The following DNAH8 variants were observed in gnomAD, a reference collection of about 807,000 sequenced individuals.
The protein encoded by DNAH8 is axonemal beta dynein heavy chain 8.
A neutral mutation model predicts 562.1 loss-of-function variants in DNAH8; 382 were observed. The observed-to-expected ratio is 0.68, with a 90% CI of 0.63 to 0.74. DNAH8 has a LOEUF of 0.74. DNAH8 is among the 30% of genes least tolerant of loss of function. The probability of loss-of-function intolerance (pLI) is 0.00; values close to 1 mark genes in which losing one functional copy is unlikely to be tolerated. For synonymous variants in DNAH8, 1,881 were observed against 1,919.4 expected (o/e 0.98, Z 0.52); for missense variants, 5,203 against 5,620.4 (o/e 0.93, Z 2.37).
chr6:38,737,432 GAT>G (rs1432658639), intron 6 of DNAH8, among the ~76,000 whole-genome samples, 176 bp downstream of exon 6: 2 of 151,962 alleles, frequency 1.3e-5, no homozygotes, highest in Non-Finnish European at 2.9e-5. Context: ...GGTGGAGTAA[GAT>G]ATATTTTCTT....
At chr6:38,889,799 T>C (rs1475081227) in intron 57 of DNAH8, among the ~76,000 whole-genome samples, 1 of 152,140 alleles carries the variant, frequency 6.6e-6, no homozygotes, top group Non-Finnish European at 1.5e-5. Context: ...ATTTCATGTT[T>C]CCCCAGGGCA....
At position 38,988,606 on chromosome 6, in the gene DNAH8, A is replaced by G. The variant is rs77061768; in HGVS notation, c.13054-1406A>G. On this transcript the variant is annotated intron_variant, in intron 87 of 92. Coordinates refer to ENST00000327475, the MANE Select transcript of DNAH8 (RefSeq NM_001206927.2). ...ATCACCAGTCCTCACCCTGACATCA[A>G]TAGTCATCCATGATATGACCTCACC... Among the ~76,000 whole-genome samples the G allele has an allele frequency of 2.6e-4, 39 of 152,294 alleles. 2 individuals are homozygous for G. The East Asian group carries it at 6.9e-3, about 27-fold the overall frequency.
chr6:38,993,712 A>G (rs1302950972), intron 88 of DNAH8, among the ~76,000 whole-genome samples: 2 of 152,112 alleles, frequency 1.3e-5, no homozygotes, highest in Non-Finnish European at 2.9e-5. Flanking sequence ...TCTCTTAACA[A>G]TGTATCCTGT....
chr6:38,756,752 T>C (rs958739808), intron 10 of DNAH8, among the ~76,000 whole-genome samples: 1 of 148,884 alleles, frequency 6.7e-6, no homozygotes, highest in African/African-American at 2.5e-5. Context: ...TTCCCACCTC[T>C]AAGTGAGAAC....
intron 82 of DNAH8, among the ~76,000 whole-genome samples, chr6:38,959,767 C>A (rs1429754972): frequency 1.3e-5 from 2 of 151,738 alleles, no homozygotes; most frequent in African/African-American, 4.8e-5. Flanking sequence ...GAAAAAAATT[C>A]TAAAATGTAT....
Position 38,926,073 on chromosome 6 carries a change from C to CA in DNAH8, c.10982dup (p.Leu3663IlefsTer5). 1 of 1,613,454 alleles carries CA rather than the reference C, an allele frequency of 6.2e-7. No individual in the cohort carries two copies. The highest frequency in any genetic ancestry group is 1.3e-5 in the African/African-American group (1 of 74,956). On this transcript the variant is annotated frameshift_variant, in exon 74 of 93. Transcript: ENST00000327475. LOFTEE classifies it high-confidence loss of function. ...TGTTCAGATTGGTGAGTGGGGGCTACAGGGATTACCAGGAGATGATCTCTC... is the reference window on the plus strand; with the variant it reads ...TGTTCAGATTGGTGAGTGGGGGCTACAAGGGATTACCAGGAGATGATCTCTC...
chr6:39,015,551 C>T (rs966572372), intron 91 of DNAH8, among the ~76,000 whole-genome samples: 4 of 152,178 alleles, frequency 2.6e-5, no homozygotes, highest in African/African-American at 9.7e-5. Flanking sequence ...CCTTCACTCT[C>T]TCTCTCCTGC....
At chr6:38,804,281 G>A (rs183652544) in intron 22 of DNAH8, among the ~76,000 whole-genome samples, 5 of 152,244 alleles carry the variant, frequency 3.3e-5, no homozygotes, top group Admixed American at 2.6e-4. Flanking sequence ...TAAGAACACG[G>A]GACTTTTAGC....
chr6:38,729,909 C>A lies in DNAH8; in HGVS notation c.533C>A (p.Ala178Glu), dbSNP rs1202219875. Reference sequence around the variant, plus strand: ...TTCTCTTTTATTTAACAGCTGGAAGCATTTACTAATTTTTTTGCGAAAGAT... The same window carrying A: ...TTCTCTTTTATTTAACAGCTGGAAGAATTTACTAATTTTTTTGCGAAAGAT... Reference protein sequence around the residue: ...ELILDCPSLEAFTNFFAKDGC... With the variant: ...ELILDCPSLEEFTNFFAKDGC... Residue 178 changes from alanine (A) to glutamate (E), a missense_variant, in exon 4 of 93, where the codon GCA becomes GAA. Ala to Glu is a moderately radical substitution (Grantham distance 107, BLOSUM62 -1). Transcript: ENST00000327475. The A allele has an allele frequency of 6.4e-7, 1 of 1,552,096 alleles. No individual in the cohort carries two copies. The highest frequency in any genetic ancestry group is 1.2e-5 in the South Asian group (1 of 86,628).
At chr6:38,771,113 T>C (rs572318445) in intron 12 of DNAH8, among the ~76,000 whole-genome samples, 3 of 152,204 alleles carry the variant, frequency 2.0e-5, no homozygotes, top group Admixed American at 1.3e-4. Flanking sequence ...CTTTGAAAAG[T>C]CTGTAAAGAT....
At chr6:38,912,727 CAT>C (rs1459554906) in intron 66 of DNAH8, among the ~76,000 whole-genome samples, 1 of 151,994 alleles carries the variant, frequency 6.6e-6, no homozygotes, top group Non-Finnish European at 1.5e-5. Context: ...AAAATTAACT[CAT>C]GTATACTTAC....
intron 21 of DNAH8, among the ~76,000 whole-genome samples, chr6:38,802,710 T>G (rs2150295493): frequency 6.6e-6 from 1 of 152,362 alleles, no homozygotes; most frequent in South Asian, 2.1e-4. Context: ...CCAAGATCAG[T>G]GTTTAACTAA....
At chr6:38,822,489 C>T (rs1772953232) in intron 26 of DNAH8, 1 of 169,112 alleles carries the variant, frequency 5.9e-6, no homozygotes, top group African/African-American at 2.4e-5. Context: ...AATGTCTCTC[C>T]TTGAACCACT....
chr6:38,974,428 A>C lies in DNAH8; in HGVS notation c.12733A>C (p.Arg4245=), dbSNP rs767812359. The change falls in exon 85 of 93, where the codon AGA becomes CGA. Residue 4245 remains arginine, a synonymous_variant. Coordinates refer to ENST00000327475, the MANE Select transcript of DNAH8 (RefSeq NM_001206927.2). The part of the protein sequence containing the change: ...PPQGVRAGLK[R]TFAGINQDLL... ...CCAAGGTGTACGCGCAGGTTTGAAA[A>C]GAACATTTGCTGGAATTAATCAAGA... The C allele has an allele frequency of 6.2e-7, 1 of 1,614,036 alleles. No homozygotes were observed. The highest frequency in any genetic ancestry group is 1.1e-5 in the South Asian group (1 of 91,078).
At chr6:38,828,315 T>G in intron 30 of DNAH8, 27 bp downstream of exon 30, 1 of 1,377,278 alleles carries the variant, frequency 7.3e-7, no homozygotes, top group Middle Eastern at 1.9e-4. Flanking sequence ...CTACATTATT[T>G]TTTCTTAAGT....
At position 38,865,678 on chromosome 6, in the gene DNAH8, G is replaced by T. The variant is rs1305264030; in HGVS notation, c.6499-913G>T. ...AGTACAGTGTGCCCCTTTGCATCTC[G>T]CAGTGTAGAATATAATCACAGCAGC... On this transcript the variant is annotated intron_variant, in intron 45 of 92. Transcript: ENST00000327475. 3.9e-5 allele frequency among the ~76,000 whole-genome samples: 6 copies of T among 152,136 alleles called. No individual in the cohort carries two copies. In the East Asian group the frequency reaches 7.7e-4, roughly 20 times the overall value.
intron 35 of DNAH8, among the ~76,000 whole-genome samples, chr6:38,845,179 A>G (rs892373703): frequency 6.6e-6 from 1 of 152,236 alleles, no homozygotes. Flanking sequence ...AGTAATATCT[A>G]TATGTTACTT....
rs2150713871 is a variant in DNAH8, at chr6:38,982,408, T to C, written c.12897T>C (p.Phe4299=). 1.9e-6 allele frequency: 3 copies of C among 1,612,358 alleles called. No individual in the cohort carries two copies. The change falls in exon 86 of 93, where the codon TTT becomes TTC. Residue 4299 remains phenylalanine (F), a synonymous_variant. Coordinates refer to ENST00000327475, the MANE Select transcript of DNAH8 (RefSeq NM_001206927.2). ...CCTACGAATTCAATTCTGCTGACTTTTCAGCCAGTGTTCAGTTTATTCAGA... is the reference window on the plus strand; with the variant it reads ...CCTACGAATTCAATTCTGCTGACTTCTCAGCCAGTGTTCAGTTTATTCAGA... ...NIPYEFNSAD[F]SASVQFIQNH... is the part of the protein sequence containing the mutation.
intron 1 of DNAH8, among the ~76,000 whole-genome samples, chr6:38,717,116 G>A (rs1762400444): frequency 1.3e-5 from 2 of 152,140 alleles, no homozygotes; most frequent in African/African-American, 4.8e-5. Context: ...GGAGGCTGAG[G>A]TAGGAGGATC....
Sources: gnomAD v4.1 joint callset for allele counts (sites outside exome capture counted in the v4.1 genomes callset) on GRCh38, gnomAD v4.1.1 for gene constraint, MANE v1.5 for transcripts, NCBI Gene and HGNC (gene_info 2026-07-23, HGNC 2026-07-21) for gene names.